Variants in PIEZO2 observed in about 807,000 individuals in gnomAD.
PIEZO2 encodes piezo-type mechanosensitive ion channel component 2.
In PIEZO2, 172 loss-of-function variants were observed where a neutral mutation model predicts 337.3. The ratio of observed to expected loss-of-function variants is 0.51; its 90% CI spans 0.45 to 0.58. The LOEUF (loss-of-function observed/expected upper bound fraction) is 0.58. PIEZO2 is among the 20% of genes least tolerant of loss of function. The pLI is 0.00. For synonymous variants in PIEZO2, 1,251 were observed against 1,228.5 expected (o/e 1.02, Z -0.38); for missense variants, 3,028 against 3,391.3 (o/e 0.89, Z 2.66).
chr18:10,762,096 T>C (rs1302837079), intron 23 of PIEZO2, among the ~76,000 whole-genome samples: 1 of 152,208 alleles, frequency 6.6e-6, no homozygotes, highest in Non-Finnish European at 1.5e-5. Context: ...TATTGAGCAT[T>C]TGGTATACTT....
At chr18:11,090,531 T>G (rs2039044472) in intron 1 of PIEZO2, among the ~76,000 whole-genome samples, 2 of 152,114 alleles carry the variant, frequency 1.3e-5, no homozygotes, top group South Asian at 4.1e-4. Context: ...GTAGGGGTGG[T>G]CGGTAGTGGG....
chr18:10,693,752 G>C (rs371696231), intron 47 of PIEZO2, among the ~76,000 whole-genome samples: 7 of 151,712 alleles, frequency 4.6e-5, no homozygotes, highest in African/African-American at 1.7e-4. Flanking sequence ...TGACTTTGGG[G>C]AGATCACTTT....
At chr18:10,867,306 A>C (rs1034341328) in intron 5 of PIEZO2, among the ~76,000 whole-genome samples, 4 of 151,600 alleles carry the variant, frequency 2.6e-5, no homozygotes, top group African/African-American at 9.7e-5. Flanking sequence ...CTTGCTCTTT[A>C]AAAAAAACAG....
chr18:10,673,610 G>A lies in PIEZO2; in HGVS notation c.8162-737C>T, dbSNP rs977478563. Among the ~76,000 whole-genome samples the A allele has an allele frequency of 6.6e-6, 1 of 152,162 alleles. No homozygotes were observed. Among genetic ancestry groups the A allele is most frequent in the African/African-American group, 2.4e-5 (1 of 41,434 alleles). ...CGGGTCAGTGATTACTTTTATTGGA[G>A]TTTAGGGTGAATGCAAAAGAGTTGT... On this transcript the variant is annotated intron_variant, in intron 54 of 55. Coordinates refer to ENST00000674853, the MANE Select transcript of PIEZO2 (RefSeq NM_001378183.1). This position sits in a 1 kb window ranked among gnomAD's most constrained non-coding sequence, Gnocchi z 4.8.
At position 10,813,973 on chromosome 18, in the gene PIEZO2, T is replaced by A. The variant is rs560735815; in HGVS notation, c.918-6699A>T. ...AGGTGTGAGATGGGACACCATATAT[T>A]TTTTTTTTTTTTGAGATGGAGTTTT... On this transcript the variant is annotated intron_variant, in intron 7 of 55. Transcript: ENST00000674853. The surrounding 1 kb of genome is among the most constrained non-coding windows in gnomAD (Gnocchi z 4.2). 5.3e-3 allele frequency among the ~76,000 whole-genome samples: 690 copies of A among 131,096 alleles called. 7 individuals are homozygous for A. The highest frequency in any genetic ancestry group is 0.016 in the African/African-American group (626 of 38,286). 86.0% of individuals were successfully genotyped at this position (131,096 alleles called of 152,430 possible).
chr18:10,731,430 C>T lies in PIEZO2; in HGVS notation c.5006G>A (p.Arg1669Gln), dbSNP rs2865121. 0.25 allele frequency: 386,039 copies of T among 1,532,860 alleles called. 50,996 individuals are homozygous for T. The highest frequency in any genetic ancestry group is 0.27 in the Non-Finnish European group (312,686 of 1,144,562). The allele number at this position is 1,532,860 out of a possible 1,614,324, so 95.0% of individuals were successfully genotyped here. A position where few individuals can be genotyped will look rare whatever the true frequency, so the allele number is the denominator to read the frequency against. The change falls in exon 36 of 56, where the codon CGA becomes CAA. Residue 1669 changes from arginine (R) to glutamine (Q), a missense_variant. Around this residue, in one of 5 missense-constraint regions of PIEZO2, gnomAD observed 1,925 missense variants for 2,051.9 expected, o/e 0.94. Coordinates refer to ENST00000674853, the MANE Select transcript of PIEZO2 (RefSeq NM_001378183.1). ...ACCCTCCTTGGATCCTTTCCGCCTT[C>T]GTTTCCGTTCTTCTCTTGCAGACCT... ...KKRSAREERKRRRKGSKEGPV... is the reference protein window; with the variant it reads ...KKRSAREERKQRRKGSKEGPV...
intron 1 of PIEZO2, among the ~76,000 whole-genome samples, chr18:11,082,559 T>C (rs111761149): frequency 3.3e-5 from 5 of 152,140 alleles, no homozygotes; most frequent in African/African-American, 1.2e-4. Flanking sequence ...CCTCGTGATC[T>C]GCCTGCCTTG....
At chr18:10,825,439 A>C in intron 7 of PIEZO2, among the ~76,000 whole-genome samples, 1 of 151,932 alleles carries the variant, frequency 6.6e-6, no homozygotes, top group East Asian at 1.9e-4. Context: ...GATACATGCT[A>C]TCAACATGAC....
rs1487364831 is a variant in PIEZO2, at chr18:11,070,415, C to A, written c.65-4193G>T. Among the ~76,000 whole-genome samples, 1 of 152,098 alleles carries A rather than the reference C, an allele frequency of 6.6e-6. No individual in the cohort carries two copies. Among genetic ancestry groups the A allele is most frequent in the Non-Finnish European group, 1.5e-5 (1 of 68,016 alleles). On this transcript the variant is annotated intron_variant, in intron 1 of 55. Coordinates refer to ENST00000674853, the MANE Select transcript of PIEZO2 (RefSeq NM_001378183.1). This position sits in a 1 kb window ranked among gnomAD's most constrained non-coding sequence, Gnocchi z 4.3. ...GAAATAATAAGAAAAAATGAACTCT[C>A]TGAAGGAAAGAACACTAAAGAGAGG... is the stretch of plus-strand genomic sequence containing the variant.
intron 40 of PIEZO2, among the ~76,000 whole-genome samples, chr18:10,706,413 G>T (rs376252910): frequency 3.9e-5 from 6 of 152,120 alleles, no homozygotes; most frequent in Admixed American, 3.9e-4. Flanking sequence ...TGTGCCCAGG[G>T]CTTCCCCTTC....
At chr18:11,091,692 G>A (rs2039096225) in intron 1 of PIEZO2, among the ~76,000 whole-genome samples, 1 of 152,164 alleles carries the variant, frequency 6.6e-6, no homozygotes, top group Admixed American at 6.5e-5. Context: ...TCTGGCATAC[G>A]GCTTGTCCAT....
intron 45 of PIEZO2, among the ~76,000 whole-genome samples, chr18:10,697,272 T>C (rs1315086338): frequency 1.3e-5 from 2 of 152,170 alleles, no homozygotes; most frequent in African/African-American, 4.8e-5. Flanking sequence ...CAGCTGGCAG[T>C]CCCAGTCCCA....
At chr18:11,124,542 A>T (rs186331169) in intron 1 of PIEZO2, among the ~76,000 whole-genome samples, 11 of 152,292 alleles carry the variant, frequency 7.2e-5, no homozygotes, top group Admixed American at 6.5e-4. Flanking sequence ...CTTTGCAGTT[A>T]AAGCTAAGGG....
chr18:10,949,614 G>A (rs975629242), intron 3 of PIEZO2, among the ~76,000 whole-genome samples: 2 of 152,246 alleles, frequency 1.3e-5, no homozygotes, highest in African/African-American at 4.8e-5. Flanking sequence ...AATCTCAGAA[G>A]TGCATTGAAT....
At position 11,146,742 on chromosome 18, in the gene PIEZO2, A is replaced by G. The variant is rs1440955884; in HGVS notation, c.64+1783T>C. On this transcript the variant is annotated intron_variant, in intron 1 of 55. Transcript: ENST00000674853. This position sits in a 1 kb window ranked among gnomAD's most constrained non-coding sequence, Gnocchi z 6.1. ...CATTCCGCCACTGGTGCCAAGTCAC[A>G]GAGTGGACCGAGCTGGCTGCAGGGA... 5.9e-5 allele frequency among the ~76,000 whole-genome samples: 9 copies of G among 152,228 alleles called. No individual in the cohort carries two copies. Among genetic ancestry groups the G allele is most frequent in the Non-Finnish European group, 4.4e-5 (3 of 68,038 alleles).
At chr18:10,694,874 A>G (rs2035015185) in intron 47 of PIEZO2, among the ~76,000 whole-genome samples, 1 of 152,240 alleles carries the variant, frequency 6.6e-6, no homozygotes, top group African/African-American at 2.4e-5. Flanking sequence ...TTAAAAAACT[A>G]GCATGTCACA....
rs577864867 is a variant in PIEZO2 at position 10,862,580 on chromosome 18, A to G, written c.493-5369T>C. Among the ~76,000 whole-genome samples the G allele has an allele frequency of 6.6e-6, 1 of 152,332 alleles. No individual in the cohort carries two copies. Among genetic ancestry groups the G allele is most frequent in the African/African-American group, 2.4e-5 (1 of 41,568 alleles). On this transcript the variant is annotated intron_variant, in intron 5 of 55. Transcript: ENST00000674853. The surrounding 1 kb of genome is among the most constrained non-coding windows in gnomAD (Gnocchi z 4.4). ...ATAAATCACTTTTGGTAGGACACAAACATCCATGTTTCATTACTCCCAAGC... is the reference window on the plus strand; with the variant it reads ...ATAAATCACTTTTGGTAGGACACAAGCATCCATGTTTCATTACTCCCAAGC...
At chr18:10,761,200 G>A (rs1568028567) in intron 23 of PIEZO2, 89 bp from the exon 24 acceptor site, 1 of 1,166,328 alleles carries the variant, frequency 8.6e-7, no homozygotes, top group Non-Finnish European at 1.2e-6. Context: ...CAGCTACAAG[G>A]ACAATGTTTT....
intron 1 of PIEZO2, among the ~76,000 whole-genome samples, chr18:11,122,297 C>T (rs2040051541): frequency 6.6e-6 from 1 of 152,178 alleles, no homozygotes; most frequent in Non-Finnish European, 1.5e-5. Flanking sequence ...TTAACTTTCC[C>T]AGGACCATTG....
Sources: gnomAD v4.1 joint callset for allele counts (sites outside exome capture counted in the v4.1 genomes callset) on GRCh38, gnomAD v4.1.1 for gene constraint, gnomAD v4.1.1 regional missense constraint, Gnocchi (gnomAD v3.1) non-coding constraint, MANE v1.5 for transcripts, NCBI Gene and HGNC (gene_info 2026-07-23, HGNC 2026-07-21) for gene names.